The following KLHL14 variants were observed in gnomAD, a reference collection of about 807,000 sequenced individuals.
KLHL14 encodes kelch-like protein 14.
KLHL14 carries 22 observed loss-of-function variants against 64.3 expected under a neutral mutation model. The observed-to-expected ratio is 0.34, with a 90% CI of 0.24 to 0.49. The LOEUF is 0.49. Ranked by LOEUF, KLHL14 falls within the 20% of genes least tolerant of loss-of-function variation. The pLI, the probability that KLHL14 is intolerant of heterozygous loss-of-function variation, is 0.99. For synonymous variants in KLHL14, 322 were observed against 333.4 expected, an observed-to-expected ratio of 0.97 and a Z score of 0.37; for missense variants, 661 against 789.0, an observed-to-expected ratio of 0.84 and a Z score of 1.94.
At chr18:32,678,727 G>C (rs375824858) in intron 7 of KLHL14, among the ~76,000 whole-genome samples, 3 of 152,052 alleles carry the variant, frequency 2.0e-5, no homozygotes, top group African/African-American at 7.2e-5. Flanking sequence ...TCTTGAGTGA[G>C]ACCACACAAC....
At chr18:32,693,222 G>A (rs965100343) in intron 4 of KLHL14, among the ~76,000 whole-genome samples, 15 of 152,132 alleles carry the variant, frequency 9.9e-5, no homozygotes, top group African/African-American at 3.4e-4. Context: ...CTTGCCGCAA[G>A]GTGTAACCAG....
At chr18:32,769,122 C>G (rs2050362672) in intron 2 of KLHL14, among the ~76,000 whole-genome samples, 1 of 152,182 alleles carries the variant, frequency 6.6e-6, no homozygotes, top group Non-Finnish European at 1.5e-5. Flanking sequence ...AGATCCCAGT[C>G]ATGAAGAAAC....
At chr18:32,701,460 AG>A (rs778424727) in intron 3 of KLHL14, among the ~76,000 whole-genome samples, 4 of 152,162 alleles carry the variant, frequency 2.6e-5, no homozygotes, top group Non-Finnish European at 5.9e-5. Flanking sequence ...AGAAGCAGAG[AG>A]AAAGCCTGTG....
intron 3 of KLHL14, among the ~76,000 whole-genome samples, chr18:32,732,173 G>A (rs1381779954): frequency 1.3e-5 from 2 of 152,158 alleles, no homozygotes; most frequent in African/African-American, 2.4e-5. Flanking sequence ...GCAGTGAGTT[G>A]AGATTGTGCC....
At chr18:32,718,123 A>G (rs548080800) in intron 3 of KLHL14, among the ~76,000 whole-genome samples, 1 of 152,238 alleles carries the variant, frequency 6.6e-6, no homozygotes, top group East Asian at 1.9e-4. Context: ...CCTGCCTCCA[A>G]TCTCTCCTTT....
chr18:32,717,854 A>G (rs907630520), intron 3 of KLHL14, among the ~76,000 whole-genome samples: 4 of 152,210 alleles, frequency 2.6e-5, no homozygotes, highest in African/African-American at 9.6e-5. Context: ...TTTTGACTTG[A>G]CATACTGAAG....
At chr18:32,679,916 C>T (rs542878837) in intron 7 of KLHL14, among the ~76,000 whole-genome samples, 2 of 152,044 alleles carry the variant, frequency 1.3e-5, no homozygotes, top group Non-Finnish European at 2.9e-5. Context: ...ATTAATGCTC[C>T]TGTTTCTTAT....
chr18:32,747,666 G>C (rs909001424), intron 2 of KLHL14, among the ~76,000 whole-genome samples: 3 of 152,178 alleles, frequency 2.0e-5, no homozygotes, highest in African/African-American at 7.2e-5. Context: ...GTACGGCCCA[G>C]TTCCTAACAG....
intron 3 of KLHL14, among the ~76,000 whole-genome samples, chr18:32,739,260 T>A (rs889121303): frequency 6.6e-6 from 1 of 152,108 alleles, no homozygotes; most frequent in East Asian, 1.9e-4. Flanking sequence ...CTCCAATCCC[T>A]TAGGCTTTAT....
intron 3 of KLHL14, chr18:32,737,668 A>G (rs2050172885): frequency 6.6e-6 from 1 of 152,038 alleles, no homozygotes; most frequent in Non-Finnish European, 1.5e-5. Context: ...CAGACACAGG[A>G]CCCCTCCTAT....
intron 3 of KLHL14, among the ~76,000 whole-genome samples, chr18:32,698,302 G>T (rs1020124773): frequency 2.0e-5 from 3 of 152,176 alleles, no homozygotes; most frequent in Non-Finnish European, 4.4e-5. Context: ...AGTGGGGGAG[G>T]TTTGTACTCC....
At chr18:32,728,711 C>T (rs576170036) in intron 3 of KLHL14, among the ~76,000 whole-genome samples, 53 of 152,060 alleles carry the variant, frequency 3.5e-4, no homozygotes, top group African/African-American at 1.2e-3. Context: ...CATTTTTGCC[C>T]ATCATCCTTA....
chr18:32,716,969 G>A (rs1234773101), intron 3 of KLHL14, among the ~76,000 whole-genome samples: 2 of 151,986 alleles, frequency 1.3e-5, no homozygotes, highest in Admixed American at 6.6e-5. Context: ...TCTAGACTGG[G>A]CCTATAAGAG....
Position 32,748,324 on chromosome 18 carries a change from C to T in KLHL14, c.948-6275G>A, listed in dbSNP as rs186294952. Among the ~76,000 whole-genome samples the T allele has an allele frequency of 3.0e-3, 460 of 151,890 alleles. 6 individuals carry two copies. The highest frequency in any genetic ancestry group is 0.011 in the African/African-American group (448 of 41,420). ...CTGCCTCCCGGGTTCAAGCAATTTC[C>T]GGCTAATTTTTGTATTTTGTATTTT... On this transcript the variant is annotated intron_variant, in intron 2 of 8. Transcript: ENST00000359358.
At chr18:32,754,633 C>T (rs959125296) in intron 2 of KLHL14, among the ~76,000 whole-genome samples, 2 of 152,180 alleles carry the variant, frequency 1.3e-5, no homozygotes, top group African/African-American at 4.8e-5. Flanking sequence ...TACTCTAACT[C>T]CAGGGAGAGG....
intron 3 of KLHL14, among the ~76,000 whole-genome samples, chr18:32,709,490 C>G (rs1478884545): frequency 6.6e-6 from 1 of 151,906 alleles, no homozygotes; most frequent in Non-Finnish European, 1.5e-5. Context: ...TTTTGTCACC[C>G]AAGCTAGAGT....
At chr18:32,687,061 C>G in intron 5 of KLHL14, 94 bp downstream of exon 5, 1 of 1,014,616 alleles carries the variant, frequency 9.9e-7, no homozygotes, top group Non-Finnish European at 1.6e-6. Context: ...TTCATTGACT[C>G]TATTTAGCAT....
At chr18:32,740,245 T>A (rs1428513349) in intron 3 of KLHL14, among the ~76,000 whole-genome samples, 2 of 152,218 alleles carry the variant, frequency 1.3e-5, no homozygotes, top group South Asian at 4.1e-4. Context: ...CCTTTCATGC[T>A]TGAAAATGCC....
At chr18:32,732,667 G>C (rs1320999161) in intron 3 of KLHL14, among the ~76,000 whole-genome samples, 2 of 152,192 alleles carry the variant, frequency 1.3e-5, no homozygotes, top group African/African-American at 2.4e-5. Flanking sequence ...ATGAGAAGAT[G>C]TGGAACAGGC....
Sources: allele counts gnomAD v4.1 joint callset (sites outside exome capture counted in the v4.1 genomes callset), GRCh38; gene constraint gnomAD v4.1.1; transcripts MANE v1.5; gene names NCBI Gene and HGNC (gene_info 2026-07-23, HGNC 2026-07-21).